The following SCN8A variants were observed in gnomAD, a reference collection of about 807,000 sequenced individuals.
SCN8A encodes the protein sodium channel protein type 8 subunit alpha.
SCN8A carries 30 observed loss-of-function variants against 184.1 expected under a neutral mutation model. The ratio of observed to expected loss-of-function variants is 0.16; its 90% CI spans 0.12 to 0.22. The LOEUF is 0.22. Ranked by LOEUF, SCN8A falls within the 10% of genes least tolerant of loss-of-function variation. The pLI, the probability that SCN8A is intolerant of heterozygous loss-of-function variation, is 1.00. For missense variants in SCN8A, 1,057 were observed against 2,498.9 expected, an observed-to-expected ratio of 0.42 and a Z score of 12.30; for synonymous variants, 852 against 907.0, an observed-to-expected ratio of 0.94 and a Z score of 1.09.
At position 51,786,693 on chromosome 12, in the gene SCN8A, T is replaced by A; in HGVS notation, c.4094T>A (p.Phe1365Tyr). 1 of 1,613,980 alleles carries A rather than the reference T, an allele frequency of 6.2e-7. No individual in the cohort carries two copies. The highest frequency in any genetic ancestry group is 8.5e-7 in the Non-Finnish European group (1 of 1,179,892). The change falls in exon 22 of 27, where the codon TTT (phenylalanine) becomes TAT (tyrosine). Residue 1365 changes from phenylalanine (F) to tyrosine (Y), a missense_variant. Physicochemically the swap from Phe to Tyr is conservative, Grantham distance 22 (BLOSUM62 3). Around this residue, in one of 19 missense-constraint regions of SCN8A, gnomAD observed 13 missense variants for 20.0 expected, o/e 0.65. Transcript: ENST00000627620. ...YCFNETSEIR[F>Y]EIEDVNNKTE... The stretch of plus-strand genomic sequence containing the variant: ...TTTAATGAGACTTCTGAAATCCGAT[T>A]TGAAATTGAAGATGTCAACAATAAA...
intron 1 of SCN8A, among the ~76,000 whole-genome samples, chr12:51,637,129 A>G (rs1018962624): frequency 2.6e-5 from 4 of 152,162 alleles, no homozygotes; most frequent in Non-Finnish European, 5.9e-5. Flanking sequence ...CTGGGGTGCC[A>G]TGAACCACAC....
At chr12:51,732,380 A>G (rs1400737144) in intron 12 of SCN8A, among the ~76,000 whole-genome samples, 1 of 152,116 alleles carries the variant, frequency 6.6e-6, no homozygotes, top group East Asian at 1.9e-4. Context: ...AGTTCACTGT[A>G]GGTGTGTGGA....
chr12:51,772,973 C>T (rs1471947540), intron 19 of SCN8A, among the ~76,000 whole-genome samples: 3 of 152,066 alleles, frequency 2.0e-5, no homozygotes, highest in Admixed American at 1.3e-4. Flanking sequence ...AAAAATTAGC[C>T]GGGTGTGGTG....
chr12:51,661,082 A>G (rs554558369), intron 1 of SCN8A, among the ~76,000 whole-genome samples: 2 of 152,332 alleles, frequency 1.3e-5, no homozygotes, highest in African/African-American at 4.8e-5. Context: ...GATATTTATT[A>G]TAATGAAAGA....
At chr12:51,750,016 G>C (rs1445209891) in intron 13 of SCN8A, among the ~76,000 whole-genome samples, 1 of 152,180 alleles carries the variant, frequency 6.6e-6, no homozygotes, top group Non-Finnish European at 1.5e-5. Context: ...CTTAATTTGA[G>C]GAGAGCTTTG....
rs1382581428 is a variant in SCN8A at position 51,751,397 on chromosome 12, A to T, written c.2174A>T (p.Lys725Ile). Residue 725 changes from lysine to isoleucine, a missense_variant, in exon 14 of 27, where the codon AAA becomes ATA. Physicochemically the swap from Lys to Ile is moderately radical, Grantham distance 102. Around this residue, in one of 19 missense-constraint regions of SCN8A, gnomAD observed 322 missense variants for 390.1 expected, o/e 0.83. Transcript: ENST00000627620. ...SQRKCPPCWY[K>I]FANTFLIWEC... ...AGAAAGTGCCCGCCATGCTGGTATA[A>T]ATTTGCCAACACTTTCCTCATCTGG... 1 of 1,613,870 alleles carries T rather than the reference A, an allele frequency of 6.2e-7. No homozygotes were observed. The highest frequency in any genetic ancestry group is 1.7e-5 in the Admixed American group (1 of 60,010).
At chr12:51,780,460 T>G (rs192005390) in intron 20 of SCN8A, among the ~76,000 whole-genome samples, 189 bp from the exon 21 acceptor site, 44 of 151,760 alleles carry the variant, frequency 2.9e-4, no homozygotes, top group Non-Finnish European at 4.4e-5. Flanking sequence ...TGAGTCAAGT[T>G]GAAATAGGCA....
intron 11 of SCN8A, among the ~76,000 whole-genome samples, chr12:51,707,066 T>C (rs1016708435): frequency 4.6e-5 from 7 of 152,224 alleles, no homozygotes; most frequent in African/African-American, 1.7e-4. Flanking sequence ...TATGGCTGAA[T>C]AGTATTCCAT....
In SCN8A at chr12:51,769,246, C is replaced by T. The variant is rs990388760; in HGVS notation, c.3283C>T (p.Arg1095Trp). 16 of 1,613,526 alleles carry T rather than the reference C, an allele frequency of 9.9e-6. No individual in the cohort carries two copies. Among genetic ancestry groups the T allele is most frequent in the East Asian group, 2.2e-5 (1 of 44,874 alleles). ...SFINNPNLTV[R>W]VPIAVGESDF... is the part of the protein sequence containing the mutation. Reference sequence around the variant, plus strand: ...CATCAACAACCCCAACTTGACTGTACGGGTACCCATTGCTGTGGGCGAGTC... The same window carrying T: ...CATCAACAACCCCAACTTGACTGTATGGGTACCCATTGCTGTGGGCGAGTC... Residue 1095 changes from arginine (R) to tryptophan (W), a missense_variant, in exon 17 of 27, where the codon CGG becomes TGG. Physicochemically the swap from Arg to Trp is moderately radical, Grantham distance 101 (BLOSUM62 -3). This residue lies in a region of SCN8A where 178 missense variants were observed against 259.6 expected (regional missense o/e 0.69). Transcript: ENST00000627620.
intron 5 of SCN8A, 111 bp downstream of exon 5, chr12:51,687,330 T>A: frequency 7.9e-7 from 1 of 1,261,790 alleles, no homozygotes; most frequent in Non-Finnish European, 1.1e-6. Flanking sequence ...TATGAGGAAT[T>A]AATGGATAAC....
chr12:51,681,295 T>C (rs967433895), intron 2 of SCN8A, among the ~76,000 whole-genome samples: 1 of 152,240 alleles, frequency 6.6e-6, no homozygotes, highest in Admixed American at 6.5e-5. Flanking sequence ...AAGCTCGGCA[T>C]AACATGCTGC....
chr12:51,641,525 C>T (rs1027756755), intron 1 of SCN8A, among the ~76,000 whole-genome samples: 1 of 152,200 alleles, frequency 6.6e-6, no homozygotes, highest in South Asian at 2.1e-4. Flanking sequence ...AGTTACTTAA[C>T]CTTTGTGATC....
At chr12:51,715,469 TAAATA>T (rs1226033320) in intron 11 of SCN8A, among the ~76,000 whole-genome samples, 3 of 151,924 alleles carry the variant, frequency 2.0e-5, no homozygotes, top group Non-Finnish European at 4.4e-5. Context: ...GGTATTTGGT[TAAATA>T]AAATTAAATT....
chr12:51,605,424 A>T (rs1277724053), intron 1 of SCN8A, among the ~76,000 whole-genome samples: 1 of 152,176 alleles, frequency 6.6e-6, no homozygotes, highest in Non-Finnish European at 1.5e-5. Flanking sequence ...AATGCCGTTA[A>T]TTCATTCCTT....
intron 13 of SCN8A, among the ~76,000 whole-genome samples, chr12:51,746,278 A>G (rs1942510940): frequency 1.3e-5 from 2 of 152,196 alleles, no homozygotes; most frequent in Non-Finnish European, 2.9e-5. Context: ...GAGATAGGAA[A>G]GGACCTGCAT....
intron 26 of SCN8A, among the ~76,000 whole-genome samples, chr12:51,802,262 T>A (rs1375561964): frequency 6.6e-6 from 1 of 152,086 alleles, no homozygotes; most frequent in South Asian, 2.1e-4. Flanking sequence ...AGGGTTAATC[T>A]CAGACAAATG....
intron 8 of SCN8A, among the ~76,000 whole-genome samples, chr12:51,702,373 T>G (rs887587803): frequency 6.6e-6 from 1 of 150,678 alleles, no homozygotes; most frequent in Non-Finnish European, 1.5e-5. Context: ...TCATTTGGGA[T>G]AATAGCTGAG....
At chr12:51,783,279 T>A (rs1331424208) in intron 21 of SCN8A, among the ~76,000 whole-genome samples, 4 of 152,238 alleles carry the variant, frequency 2.6e-5, no homozygotes, top group Admixed American at 2.6e-4. Context: ...TACACATGTT[T>A]TATTTAAATG....
chr12:51,706,842 C>G, intron 11 of SCN8A, 127 bp downstream of exon 11: 1 of 655,828 alleles, frequency 1.5e-6, no homozygotes, highest in Non-Finnish European at 2.3e-6. Context: ...CAATTATATT[C>G]TTCTTTTTCC....
Sources: gnomAD v4.1 joint callset for allele counts (sites outside exome capture counted in the v4.1 genomes callset) on GRCh38, gnomAD v4.1.1 for gene constraint, gnomAD v4.1.1 regional missense constraint, MANE v1.5 for transcripts, NCBI Gene and HGNC (gene_info 2026-07-23, HGNC 2026-07-21) for gene names.